SHISA9: variants seen among roughly 807,000 people sequenced by gnomAD.
SHISA9 encodes shisa family member 9, also known as protein shisa-9.
Under a neutral mutation model 38.0 loss-of-function variants are expected in SHISA9, and 13 were observed. The observed-to-expected ratio is 0.34, with a 90% CI of 0.22 to 0.54. The LOEUF (loss-of-function observed/expected upper bound fraction) is 0.54, where lower values mean the gene tolerates loss of function less well. Among genes scored for constraint, SHISA9 ranks in the 20% least tolerant of loss-of-function variants. The pLI, the probability that SHISA9 is intolerant of heterozygous loss-of-function variation, is 0.91. For missense variants in SHISA9, 538 were observed against 575.8 expected, an observed-to-expected ratio of 0.93 and a Z score of 0.67; for synonymous variants, 275 against 242.0, an observed-to-expected ratio of 1.14 and a Z score of -1.27.
intron 2 of SHISA9, among the ~76,000 whole-genome samples, chr16:13,073,740 A>G (rs2073546484): frequency 1.3e-5 from 2 of 152,208 alleles, no homozygotes; most frequent in Admixed American, 1.3e-4. Flanking sequence ...AAGTGTCCTT[A>G]GAAGAAAAGG....
the SHISA9 span, among the ~76,000 whole-genome samples, chr16:13,412,450 G>A: frequency 0.22 from 33,457 of 151,714 alleles, 3,967 homozygotes; most frequent in Non-Finnish European, 0.24. Context: ...CCTTTCCTAC[G>A]TTCTTTCTCC....
At chr16:12,978,529 A>G (rs1478978590) in intron 2 of SHISA9, among the ~76,000 whole-genome samples, 1 of 152,228 alleles carries the variant, frequency 6.6e-6, no homozygotes, top group Non-Finnish European at 1.5e-5. Flanking sequence ...AGTGATGCAC[A>G]TTACTACTTC....
chr16:13,038,590 A>G (rs558464210), intron 2 of SHISA9, among the ~76,000 whole-genome samples: 1 of 152,200 alleles, frequency 6.6e-6, no homozygotes, highest in Non-Finnish European at 1.5e-5. Flanking sequence ...GTAGTTGATC[A>G]TCTCGCAGTT....
chr16:13,051,142 T>A (rs7199571), intron 2 of SHISA9, among the ~76,000 whole-genome samples: 118,562 of 152,180 alleles, frequency 0.78, 46,657 homozygotes, highest in African/African-American at 0.89. Flanking sequence ...CATACCCAAG[T>A]CTAGGTAATT....
the SHISA9 span, among the ~76,000 whole-genome samples, chr16:13,293,878 G>T: frequency 6.6e-6 from 1 of 152,212 alleles, no homozygotes; most frequent in Non-Finnish European, 1.5e-5. Context: ...GAGAGAATAA[G>T]CCATAGGAAC....
At chr16:13,064,613 C>T (rs2073412777) in intron 2 of SHISA9, among the ~76,000 whole-genome samples, 1 of 151,986 alleles carries the variant, frequency 6.6e-6, no homozygotes, top group African/African-American at 2.4e-5. Context: ...CAGTTCAATA[C>T]CACTAGTAGC....
intron 2 of SHISA9, among the ~76,000 whole-genome samples, chr16:12,999,905 C>T (rs1483715853): frequency 6.6e-6 from 1 of 152,176 alleles, no homozygotes. Context: ...CATGGCCACA[C>T]AGAATGCAAT....
chr16:13,300,565 A>G, the SHISA9 span, among the ~76,000 whole-genome samples: 1 of 152,190 alleles, frequency 6.6e-6, no homozygotes, highest in Non-Finnish European at 1.5e-5. Context: ...CGATTATTGA[A>G]GAACTGAGCT....
In SHISA9 at chr16:13,109,517, A is replaced by C. The variant is rs544308223; in HGVS notation, c.692-93877A>C. ...AAGCTGAATGTTTAATGACTTAAAA[A>C]CCCCCAACTTTATGATGGTATAATT... On this transcript the variant is annotated intron_variant, in intron 2 of 4. Transcript: ENST00000558583. 7.9e-5 allele frequency among the ~76,000 whole-genome samples: 12 copies of C among 152,226 alleles called. No individual in the cohort carries two copies. In the East Asian group the frequency reaches 2.1e-3, roughly 27 times the overall value.
chr16:13,073,230 T>TTC (rs1302284221), intron 2 of SHISA9, among the ~76,000 whole-genome samples: 1 of 151,804 alleles, frequency 6.6e-6, no homozygotes, highest in African/African-American at 2.4e-5. Context: ...CTCTTTTTTT[T>TTC]TTTTTTTTTG....
At chr16:13,521,982 T>C in the SHISA9 span, among the ~76,000 whole-genome samples, 2 of 152,206 alleles carry the variant, frequency 1.3e-5, no homozygotes, top group African/African-American at 4.8e-5. Context: ...GAAGCCCACA[T>C]ATACCCTGAA....
the SHISA9 span, among the ~76,000 whole-genome samples, chr16:13,371,017 A>C: frequency 1.2e-4 from 18 of 152,308 alleles, no homozygotes; most frequent in African/African-American, 4.3e-4. Flanking sequence ...TTTTACTCTA[A>C]GTATGTTCCT....
chr16:13,562,374 A>C, the SHISA9 span, among the ~76,000 whole-genome samples: 1 of 152,202 alleles, frequency 6.6e-6, no homozygotes, highest in African/African-American at 2.4e-5. Context: ...TCATGCCTGT[A>C]ATCCCAGCAC....
At chr16:13,486,291 T>C in the SHISA9 span, among the ~76,000 whole-genome samples, 2 of 152,162 alleles carry the variant, frequency 1.3e-5, no homozygotes, top group Non-Finnish European at 2.9e-5. Flanking sequence ...GCCATTAAGA[T>C]AGGAGAAGGA....
chr16:13,321,725 T>C, the SHISA9 span, among the ~76,000 whole-genome samples: 1 of 152,218 alleles, frequency 6.6e-6, no homozygotes, highest in South Asian at 2.1e-4. Context: ...TGTATGGCTG[T>C]GTGTGCAATA....
At chr16:13,343,393 G>A in the SHISA9 span, among the ~76,000 whole-genome samples, 1 of 151,306 alleles carries the variant, frequency 6.6e-6, no homozygotes, top group Admixed American at 6.6e-5. Context: ...TTTCTCTCTA[G>A]TACCACAAAT....
the SHISA9 span, among the ~76,000 whole-genome samples, chr16:13,414,205 A>T: frequency 6.6e-6 from 1 of 152,304 alleles, no homozygotes; most frequent in African/African-American, 2.4e-5. Context: ...TTACTTCTTA[A>T]TTTAGTAAAC....
At chr16:13,062,143 G>T (rs906770817) in intron 2 of SHISA9, among the ~76,000 whole-genome samples, 1 of 151,986 alleles carries the variant, frequency 6.6e-6, no homozygotes, top group African/African-American at 2.4e-5. Flanking sequence ...ACAACGGGTG[G>T]CATTTTAGTG....
chr16:13,553,645 A>G, the SHISA9 span, among the ~76,000 whole-genome samples: 1 of 151,942 alleles, frequency 6.6e-6, no homozygotes, highest in Non-Finnish European at 1.5e-5. Flanking sequence ...GCCAGGCACA[A>G]TGATTTTGAA....
Sources: gnomAD v4.1 joint callset for allele counts (sites outside exome capture counted in the v4.1 genomes callset) on GRCh38, gnomAD v4.1.1 for gene constraint, MANE v1.5 for transcripts, NCBI Gene and HGNC (gene_info 2026-07-23, HGNC 2026-07-21) for gene names.